Variants in AFF1 observed in about 807,000 individuals in gnomAD.
The protein encoded by AFF1 is AF4/FMR2 family member 1.
Under a neutral mutation model 121.7 loss-of-function variants are expected in AFF1, and 48 were observed. The observed-to-expected ratio is 0.39, with a 90% CI of 0.31 to 0.50. AFF1 has a LOEUF of 0.50. AFF1 is among the 20% of genes least tolerant of loss of function. The pLI is 0.76. For synonymous variants in AFF1, 613 were observed against 563.0 expected, an observed-to-expected ratio of 1.09 and a Z score of -1.26; for missense variants, 1,523 against 1,511.7, an observed-to-expected ratio of 1.01 and a Z score of -0.12.
chr4:86,963,232 T>C (rs930315804), intron 2 of AFF1, among the ~76,000 whole-genome samples: 2 of 147,748 alleles, frequency 1.4e-5, no homozygotes, highest in Non-Finnish European at 3.0e-5. Flanking sequence ...ATTCATTTAA[T>C]AATACTTTTT....
At chr4:86,977,133 T>C (rs1723360483) in intron 2 of AFF1, among the ~76,000 whole-genome samples, 1 of 152,286 alleles carries the variant, frequency 6.6e-6, no homozygotes, top group South Asian at 2.1e-4. Flanking sequence ...TCCCCCCATA[T>C]GAGACAGATA....
chr4:87,007,286 G>A (rs1560534587), intron 2 of AFF1: 5 of 1,562,362 alleles, frequency 3.2e-6, no homozygotes, highest in Admixed American at 1.9e-5. Flanking sequence ...CGTAACATCG[G>A]GGCGCCGCGC....
chr4:86,944,140 TAAAAAA>T (rs35682600), intron 1 of AFF1, among the ~76,000 whole-genome samples: 6 of 96,180 alleles, frequency 6.2e-5, no homozygotes, highest in Admixed American at 1.1e-4. Flanking sequence ...CAAGACCCTG[TAAAAAA>T]AAAAAAAAAA....
intron 8 of AFF1, among the ~76,000 whole-genome samples, chr4:87,095,722 G>T (rs236993): frequency 0.57 from 86,894 of 151,936 alleles, 25,187 homozygotes; most frequent in Middle Eastern, 0.7. Flanking sequence ...TTTGGGTTAT[G>T]GGAACGTTTT....
intron 1 of AFF1, among the ~76,000 whole-genome samples, chr4:86,941,692 C>G (rs1720474443): frequency 6.6e-6 from 1 of 151,860 alleles, no homozygotes; most frequent in Non-Finnish European, 1.5e-5. Flanking sequence ...TAAAAAATAG[C>G]CAGGCATGGT....
At chr4:87,054,318 C>T (rs575931952) in intron 4 of AFF1, among the ~76,000 whole-genome samples, 2 of 152,282 alleles carry the variant, frequency 1.3e-5, no homozygotes, top group Admixed American at 1.3e-4. Flanking sequence ...ACATGTGGGT[C>T]TCGGGCACAA....
intron 2 of AFF1, among the ~76,000 whole-genome samples, chr4:86,983,698 G>C (rs1248695289): frequency 6.6e-6 from 1 of 150,454 alleles, no homozygotes; most frequent in Non-Finnish European, 1.5e-5. Context: ...GACAGAGCAA[G>C]ACTCTGTCTC....
chr4:86,988,207 T>C (rs1331592091), intron 2 of AFF1, among the ~76,000 whole-genome samples: 1 of 152,134 alleles, frequency 6.6e-6, no homozygotes, highest in Non-Finnish European at 1.5e-5. Context: ...CTCTTGCAAC[T>C]GCTTTGAGAT....
At chr4:87,111,375 A>G (rs930148171) in intron 11 of AFF1, among the ~76,000 whole-genome samples, 1 of 151,624 alleles carries the variant, frequency 6.6e-6, no homozygotes, top group Non-Finnish European at 1.5e-5. Context: ...TTTTATTGAG[A>G]TGGAGTCTCA....
intron 2 of AFF1, among the ~76,000 whole-genome samples, chr4:86,994,618 C>G (rs1236443411): frequency 2.6e-5 from 4 of 152,142 alleles, no homozygotes; most frequent in Non-Finnish European, 5.9e-5. Context: ...GCAAACACTC[C>G]CCTTGATCCA....
chr4:87,080,773 G>T (rs963071857), intron 4 of AFF1, among the ~76,000 whole-genome samples: 15 of 152,214 alleles, frequency 9.9e-5, no homozygotes, highest in Admixed American at 5.2e-4. Context: ...ATGAGACGAG[G>T]CAGCCTGTCC....
At chr4:87,072,269 A>G (rs1319798715) in intron 4 of AFF1, among the ~76,000 whole-genome samples, 2 of 150,814 alleles carry the variant, frequency 1.3e-5, no homozygotes, top group African/African-American at 2.4e-5. Context: ...AGTCTGAGGC[A>G]GGAGAATGGC....
chr4:86,961,035 G>C (rs1327767803), intron 2 of AFF1, among the ~76,000 whole-genome samples: 1 of 152,210 alleles, frequency 6.6e-6, no homozygotes, highest in Non-Finnish European at 1.5e-5. Flanking sequence ...GGTTGACAGA[G>C]ACAAGCTATC....
chr4:87,007,253 CG>C, intron 2 of AFF1: 1 of 1,497,398 alleles, frequency 6.7e-7, no homozygotes, highest in Non-Finnish European at 8.8e-7. Context: ...CGAGGACGCC[CG>C]GGGCTCGAGA....
chr4:86,981,158 G>A (rs1410679549), intron 2 of AFF1, among the ~76,000 whole-genome samples: 1 of 151,494 alleles, frequency 6.6e-6, no homozygotes, highest in Non-Finnish European at 1.5e-5. Context: ...GACCACAGGT[G>A]CCCACCACCA....
intron 4 of AFF1, among the ~76,000 whole-genome samples, chr4:87,069,736 A>C (rs1487023040): frequency 2.6e-5 from 4 of 152,170 alleles, no homozygotes; most frequent in Admixed American, 2.6e-4. Context: ...ATCTGGAGAA[A>C]ATCACAGCAT....
chr4:87,006,293 C>T (rs964145110), intron 2 of AFF1, among the ~76,000 whole-genome samples: 2 of 152,210 alleles, frequency 1.3e-5, no homozygotes, highest in Non-Finnish European at 2.9e-5. Flanking sequence ...TCCCTCCATC[C>T]TTGCTCATCC....
intron 4 of AFF1, among the ~76,000 whole-genome samples, chr4:87,061,967 A>G (rs548237347): frequency 6.6e-6 from 1 of 152,330 alleles, no homozygotes; most frequent in Non-Finnish European, 1.5e-5. Context: ...CTTTAAATGT[A>G]TGATTCAGGC....
At chr4:86,959,506 T>TTTC (rs1315980325) in intron 2 of AFF1, among the ~76,000 whole-genome samples, 2 of 135,932 alleles carry the variant, frequency 1.5e-5, no homozygotes, top group African/African-American at 5.0e-5. Context: ...TTTTTTTTTT[T>TTTC]TCCCAATGTG....
Sources: allele counts gnomAD v4.1 joint callset (sites outside exome capture counted in the v4.1 genomes callset), GRCh38; gene constraint gnomAD v4.1.1; transcripts MANE v1.5; gene names NCBI Gene and HGNC (gene_info 2026-07-23, HGNC 2026-07-21).